B3GALT1: variants seen among roughly 807,000 people sequenced by gnomAD.
B3GALT1 encodes beta-1,3-galactosyltransferase 1.
A neutral mutation model predicts 23.2 loss-of-function variants in B3GALT1; 10 were observed. That is an observed-to-expected ratio of 0.43 (90% CI 0.27 to 0.73). The LOEUF (loss-of-function observed/expected upper bound fraction) is 0.73, where lower values mean the gene tolerates loss of function less well. Among genes scored for constraint, B3GALT1 ranks in the 30% least tolerant of loss-of-function variants. The probability of loss-of-function intolerance (pLI) is 0.21; values close to 1 mark genes in which losing one functional copy is unlikely to be tolerated. For missense variants in B3GALT1, 299 were observed against 405.4 expected, an observed-to-expected ratio of 0.74 and a Z score of 2.25; for synonymous variants, 156 against 141.5, an observed-to-expected ratio of 1.10 and a Z score of -0.73.
chr2:167,315,178 A>G (rs1374968375), intron 1 of B3GALT1, among the ~76,000 whole-genome samples: 1 of 152,154 alleles, frequency 6.6e-6, no homozygotes, highest in Admixed American at 6.6e-5. Flanking sequence ...AGAATAATAA[A>G]CTGTTTTTTT....
intron 1 of B3GALT1, among the ~76,000 whole-genome samples, chr2:167,350,827 A>G (rs1371093136): frequency 6.6e-6 from 1 of 152,172 alleles, no homozygotes; most frequent in African/African-American, 2.4e-5. Context: ...GTGCTCTACC[A>G]CTTGAGCCTG....
Position 167,303,682 on chromosome 2 carries a change from C to CACACACAGAG in B3GALT1, c.-511+10349_-511+10350insCACACAGAGA, listed in dbSNP as rs535369991. Among the ~76,000 whole-genome samples the CACACACAGAG allele has an allele frequency of 1.5e-3, 218 of 148,796 alleles. 1 individual carries two copies. Among genetic ancestry groups the CACACACAGAG allele is most frequent in the East Asian group, 8.3e-4 (4 of 4,834 alleles). ...ACACACACACACACACACACACACACAGAGAGAGACCTTGTTGCTGCCATT... is the reference window on the plus strand; with the variant it reads ...ACACACACACACACACACACACACACACACACAGAGAGAGAGAGACCTTGTTGCTGCCATT... On this transcript the variant is annotated intron_variant, in intron 1 of 4. Coordinates refer to ENST00000392690, the MANE Select transcript of B3GALT1 (RefSeq NM_020981.4).
chr2:167,615,071 T>C (rs567169787), intron 2 of B3GALT1, among the ~76,000 whole-genome samples: 1 of 152,118 alleles, frequency 6.6e-6, no homozygotes, highest in South Asian at 2.1e-4. Flanking sequence ...CAAATGAAAA[T>C]AATCTTGGAT....
rs1419376439 is a variant in B3GALT1 at position 167,696,621 on chromosome 2, C to T, written c.-352+49655C>T. Among the ~76,000 whole-genome samples, 4 of 152,222 alleles carry T rather than the reference C, an allele frequency of 2.6e-5. No homozygotes were observed. The East Asian group carries it at 7.7e-4, about 29-fold the overall frequency. On this transcript the variant is annotated intron_variant, in intron 3 of 4. Transcript: ENST00000392690. ...TCATCTCAGTTCTATAGACTTTTCC[C>T]ACTTTGCCAACCTCACATATAATAA...
chr2:167,403,804 A>T (rs1368050257), intron 1 of B3GALT1, among the ~76,000 whole-genome samples: 3 of 152,176 alleles, frequency 2.0e-5, no homozygotes, highest in African/African-American at 7.2e-5. Flanking sequence ...TATCATGGAA[A>T]GGGAAGGGAA....
At position 167,605,686 on chromosome 2, in the gene B3GALT1, T is replaced by G. The variant is rs78467065; in HGVS notation, c.-409-41223T>G. 6.3e-3 allele frequency among the ~76,000 whole-genome samples: 955 copies of G among 152,298 alleles called. 9 individuals are homozygous for G. Among genetic ancestry groups the G allele is most frequent in the African/African-American group, 0.022 (925 of 41,546 alleles). ...GGTCAAGGCAAGTCTCAGGAGAGAG[T>G]TGGAAAGAATTTGCAGCCATCTTTA... On this transcript the variant is annotated intron_variant, in intron 2 of 4. Coordinates refer to ENST00000392690, the MANE Select transcript of B3GALT1 (RefSeq NM_020981.4).
At chr2:167,752,334 CAAG>C (rs920517051) in intron 3 of B3GALT1, among the ~76,000 whole-genome samples, 19 of 152,076 alleles carry the variant, frequency 1.2e-4, no homozygotes, top group South Asian at 4.2e-4. Context: ...CAATTTATGA[CAAG>C]AAGTCAGGAA....
intron 1 of B3GALT1, among the ~76,000 whole-genome samples, chr2:167,369,450 T>A (rs922416113): frequency 1.3e-5 from 2 of 152,156 alleles, no homozygotes; most frequent in Non-Finnish European, 2.9e-5. Context: ...AGGGTTATAG[T>A]ATAGATGTTT....
chr2:167,846,200 C>T (rs777137723), intron 4 of B3GALT1, among the ~76,000 whole-genome samples: 2 of 152,152 alleles, frequency 1.3e-5, no homozygotes, highest in Non-Finnish European at 2.9e-5. Context: ...TCGAGGAAAA[C>T]TTCCCTGCCT....
At chr2:167,627,359 G>C (rs1049086795) in intron 2 of B3GALT1, among the ~76,000 whole-genome samples, 3 of 151,606 alleles carry the variant, frequency 2.0e-5, no homozygotes, top group Admixed American at 6.6e-5. Context: ...ACAATCAACT[G>C]ATACCTGATT....
intron 1 of B3GALT1, among the ~76,000 whole-genome samples, chr2:167,337,176 A>G (rs1467701519): frequency 6.6e-6 from 1 of 152,196 alleles, no homozygotes; most frequent in Non-Finnish European, 1.5e-5. Flanking sequence ...TAACTGAAAA[A>G]TAAGCTTCAC....
In B3GALT1 at chr2:167,869,132, T is replaced by A; in HGVS notation, c.93T>A (p.Ser31=). 6.2e-7 allele frequency: 1 copy of A among 1,614,208 alleles called. No individual in the cohort carries two copies. Among genetic ancestry groups the A allele is most frequent in the Non-Finnish European group, 8.5e-7 (1 of 1,180,034 alleles). ...WYLSITRPTS[S]YTGSKPFSHL... is the part of the protein sequence containing the mutation. The stretch of plus-strand genomic sequence containing the variant: ...TGAGTATAACTCGCCCTACTTCTTC[T>A]TACACTGGCTCCAAACCATTCAGCC... Residue 31 remains serine, a synonymous_variant, in exon 5 of 5, where the codon TCT becomes TCA. Transcript: ENST00000392690. The surrounding 1 kb of genome is among the most constrained non-coding windows in gnomAD (Gnocchi z 6.4).
chr2:167,427,177 G>A (rs1432396025), intron 1 of B3GALT1, among the ~76,000 whole-genome samples: 3 of 152,182 alleles, frequency 2.0e-5, no homozygotes, highest in South Asian at 2.1e-4. Context: ...TACAGAAGCA[G>A]CAAGCTTAAG....
At chr2:167,769,640 T>G (rs1354208049) in intron 3 of B3GALT1, among the ~76,000 whole-genome samples, 1 of 152,176 alleles carries the variant, frequency 6.6e-6, no homozygotes, top group East Asian at 1.9e-4. Flanking sequence ...TTCCAGAATA[T>G]CATATAAATA....
Position 167,716,829 on chromosome 2 carries a change from T to A in B3GALT1, c.-352+69863T>A, listed in dbSNP as rs536518764. On this transcript the variant is annotated intron_variant, in intron 3 of 4. Coordinates refer to ENST00000392690, the MANE Select transcript of B3GALT1 (RefSeq NM_020981.4). ...TCATAGTGTTTATAGTGTATCTTCT[T>A]TTTTATAGTTTTTTTGGTTGCATTT... Among the ~76,000 whole-genome samples, 4 of 152,298 alleles carry A rather than the reference T, an allele frequency of 2.6e-5. No individual in the cohort carries two copies. In the East Asian group the frequency reaches 7.7e-4, roughly 29 times the overall value.
At chr2:167,394,565 G>A (rs2105285048) in intron 1 of B3GALT1, among the ~76,000 whole-genome samples, 1 of 152,156 alleles carries the variant, frequency 6.6e-6, no homozygotes, top group African/African-American at 2.4e-5. Flanking sequence ...ATCCTTTGAA[G>A]CCATCTTTTT....
chr2:167,294,889 A>T (rs1696323285), intron 1 of B3GALT1, among the ~76,000 whole-genome samples: 1 of 152,204 alleles, frequency 6.6e-6, no homozygotes, highest in Admixed American at 6.5e-5. Context: ...AAATACCCAA[A>T]ACCAAACCGC....
At chr2:167,720,755 T>G (rs557415568) in intron 3 of B3GALT1, among the ~76,000 whole-genome samples, 1 of 152,346 alleles carries the variant, frequency 6.6e-6, no homozygotes, top group African/African-American at 2.4e-5. Context: ...AAAATACCCC[T>G]GCTACACATT....
intron 4 of B3GALT1, among the ~76,000 whole-genome samples, chr2:167,856,579 G>A (rs1690003968): frequency 6.6e-6 from 1 of 152,162 alleles, no homozygotes; most frequent in Non-Finnish European, 1.5e-5. Flanking sequence ...TGAGGGTGCA[G>A]TCAGAAGGAA....
Sources: gnomAD v4.1 joint callset for allele counts (sites outside exome capture counted in the v4.1 genomes callset) on GRCh38, gnomAD v4.1.1 for gene constraint, Gnocchi (gnomAD v3.1) non-coding constraint, MANE v1.5 for transcripts, NCBI Gene and HGNC (gene_info 2026-07-23, HGNC 2026-07-21) for gene names.